The following DPYSL5 variants were observed in gnomAD, a reference collection of about 807,000 sequenced individuals.
DPYSL5 encodes the protein dihydropyrimidinase-related protein 5.
Under a neutral mutation model 58.4 loss-of-function variants are expected in DPYSL5, and 9 were observed. That is an observed-to-expected ratio of 0.15 (90% confidence interval 0.09 to 0.27). The LOEUF (loss-of-function observed/expected upper bound fraction) is 0.27. DPYSL5 is among the 10% of genes least tolerant of loss of function. The pLI is 1.00. For synonymous variants in DPYSL5, 293 were observed against 301.9 expected (o/e 0.97, Z 0.31); for missense variants, 499 against 770.6 (o/e 0.65, Z 4.17).
intron 1 of DPYSL5, among the ~76,000 whole-genome samples, chr2:26,876,825 A>G (rs1663421556): frequency 6.7e-6 from 1 of 149,890 alleles, no homozygotes; most frequent in Admixed American, 6.7e-5. Flanking sequence ...CATGATGTCC[A>G]GATTAATGGT....
At chr2:26,897,732 C>A (rs899832253) in intron 1 of DPYSL5, among the ~76,000 whole-genome samples, 1 of 152,092 alleles carries the variant, frequency 6.6e-6, no homozygotes, top group Non-Finnish European at 1.5e-5. Flanking sequence ...AGTATTAATT[C>A]TTCTTTAAAT....
chr2:26,896,118 C>T (rs746346133), intron 1 of DPYSL5, among the ~76,000 whole-genome samples: 12 of 152,100 alleles, frequency 7.9e-5, no homozygotes, highest in Non-Finnish European at 5.9e-5. Context: ...TTAGGTTCCA[C>T]GTAGGAGTGA....
intron 2 of DPYSL5, among the ~76,000 whole-genome samples, chr2:26,918,704 T>C (rs1429427312): frequency 1.3e-5 from 2 of 152,204 alleles, no homozygotes; most frequent in Non-Finnish European, 2.9e-5. Context: ...GTTCCCTCTA[T>C]AAAGATTCAG....
chr2:26,855,061 G>T (rs895264137), intron 1 of DPYSL5, among the ~76,000 whole-genome samples: 3 of 151,546 alleles, frequency 2.0e-5, no homozygotes, highest in Non-Finnish European at 4.4e-5. Flanking sequence ...CAGGTGATCC[G>T]CCCGCCTCAG....
Position 26,898,905 on chromosome 2 carries a change from T to C in DPYSL5, c.261+145T>C, listed in dbSNP as rs947735699. ...GGTGTGTCAGGGCCACTGTGGCAAC[T>C]ACAATAGGGATTTCCGGCTTAACGT... On this transcript the variant is annotated intron_variant, in intron 2 of 12. Coordinates refer to ENST00000288699, the MANE Select transcript of DPYSL5 (RefSeq NM_020134.4). The surrounding 1 kb of genome is among the most constrained non-coding windows in gnomAD (Gnocchi z 6.1). 5.1e-6 allele frequency: 5 copies of C among 989,090 alleles called. No individual in the cohort carries two copies. In the Admixed American group the frequency reaches 9.1e-5, roughly 18 times the overall value. The allele number at this position is 989,090 out of a possible 1,614,324, so 61.3% of individuals were successfully genotyped here.
At position 26,924,103 on chromosome 2, in the gene DPYSL5, T is replaced by C. The variant is rs930108543; in HGVS notation, c.262-784T>C. On this transcript the variant is annotated intron_variant, in intron 2 of 12. Transcript: ENST00000288699. This position sits in a 1 kb window ranked among gnomAD's most constrained non-coding sequence, Gnocchi z 4.7. ...AAAAGTTGAGTGGGGGAATCTCTAA[T>C]ACAGATTTAGTCATTTTTCCTGGGG... Among the ~76,000 whole-genome samples, 3 of 152,258 alleles carry C rather than the reference T, an allele frequency of 2.0e-5. No homozygotes were observed. Among genetic ancestry groups the C allele is most frequent in the African/African-American group, 7.2e-5 (3 of 41,470 alleles).
chr2:26,886,938 G>A (rs1042941586), intron 1 of DPYSL5, among the ~76,000 whole-genome samples: 8 of 152,150 alleles, frequency 5.3e-5, no homozygotes, highest in Non-Finnish European at 1.0e-4. Flanking sequence ...CACAACTGTC[G>A]TGTATTGCCT....
chr2:26,940,246 A>G, intron 9 of DPYSL5, 74 bp downstream of exon 9: 1 of 1,551,864 alleles, frequency 6.4e-7, no homozygotes, highest in African/African-American at 1.4e-5. Flanking sequence ...TAATCCCAAT[A>G]AGAGTATTCA....
rs1198289165 is a variant in DPYSL5, at chr2:26,931,700, T to C, written c.714+16T>C. The C allele has an allele frequency of 1.9e-6, 3 of 1,613,656 alleles. 1 individual carries two copies. Among genetic ancestry groups the C allele is most frequent in the African/African-American group, 2.7e-5 (2 of 74,988 alleles). On this transcript the variant is annotated intron_variant, in intron 6 of 12. Coordinates refer to ENST00000288699, the MANE Select transcript of DPYSL5 (RefSeq NM_020134.4). ...TGCAAACAGGGTAAGTCCCCCGATG[T>C]CCACTGTGGGATTAGAAACCAACCT... is the stretch of plus-strand genomic sequence containing the variant.
At chr2:26,853,811 G>GA (rs925208015) in intron 1 of DPYSL5, among the ~76,000 whole-genome samples, 25 of 152,124 alleles carry the variant, frequency 1.6e-4, no homozygotes, top group African/African-American at 6.0e-4. Context: ...CATTATCAAG[G>GA]AAAAATCTCC....
intron 1 of DPYSL5, among the ~76,000 whole-genome samples, chr2:26,878,891 A>C (rs1663481973): frequency 1.3e-5 from 2 of 152,188 alleles, no homozygotes. Flanking sequence ...ACTCCTAAGC[A>C]ACCATCCAGA....
At chr2:26,928,704 T>TATATATATATACACACACACACACACAC in intron 5 of DPYSL5, among the ~76,000 whole-genome samples, 28 of 62,940 alleles carry the variant, frequency 4.4e-4, no homozygotes, top group African/African-American at 1.6e-3. Flanking sequence ...TATATATATA[T>TATATATATATACACACACACACACACAC]ACACACACAC....
chr2:26,855,309 G>T (rs1438224455), intron 1 of DPYSL5, among the ~76,000 whole-genome samples: 8 of 151,856 alleles, frequency 5.3e-5, no homozygotes, highest in Non-Finnish European at 2.9e-5. Context: ...GGTGCCTGTA[G>T]TCCCAGCTAC....
At chr2:26,863,276 G>A (rs2148111579) in intron 1 of DPYSL5, among the ~76,000 whole-genome samples, 1 of 152,318 alleles carries the variant, frequency 6.6e-6, no homozygotes, top group Non-Finnish European at 1.5e-5. Context: ...ATGGGCCCCA[G>A]GCCATTGGCA....
intron 9 of DPYSL5, among the ~76,000 whole-genome samples, chr2:26,941,321 C>T (rs954831400): frequency 6.6e-6 from 1 of 152,208 alleles, no homozygotes; most frequent in Non-Finnish European, 1.5e-5. Flanking sequence ...ATTTTTAAGG[C>T]TCTTGATTTG....
chr2:26,875,305 C>G (rs1385489525), intron 1 of DPYSL5, among the ~76,000 whole-genome samples: 1 of 152,118 alleles, frequency 6.6e-6, no homozygotes, highest in African/African-American at 2.4e-5. Context: ...CATTGGGTAA[C>G]CCAAGTGGGC....
chr2:26,899,378 C>A (rs543026527), intron 2 of DPYSL5, among the ~76,000 whole-genome samples: 5 of 152,336 alleles, frequency 3.3e-5, no homozygotes, highest in African/African-American at 1.2e-4. Context: ...GAGGAAACTA[C>A]ATTCTGCAAA....
At position 26,927,750 on chromosome 2, in the gene DPYSL5, A is replaced by G. The variant is rs936321832; in HGVS notation, c.600+318A>G. On this transcript the variant is annotated intron_variant, in intron 4 of 12. Transcript: ENST00000288699. This position sits in a 1 kb window ranked among gnomAD's most constrained non-coding sequence, Gnocchi z 4.3. Reference sequence around the variant, plus strand: ...GCACCTCTCAGACATATTTTTAATGAGATTTGATATACAGAATAAATAAGA... The same window carrying G: ...GCACCTCTCAGACATATTTTTAATGGGATTTGATATACAGAATAAATAAGA... Among the ~76,000 whole-genome samples the G allele has an allele frequency of 6.6e-6, 1 of 152,354 alleles. No homozygotes were observed. The highest frequency in any genetic ancestry group is 1.9e-4 in the East Asian group (1 of 5,192).
At chr2:26,881,751 A>C (rs1178247760) in intron 1 of DPYSL5, among the ~76,000 whole-genome samples, 1 of 152,144 alleles carries the variant, frequency 6.6e-6, no homozygotes, top group Non-Finnish European at 1.5e-5. Flanking sequence ...CTCAGAAATA[A>C]AGGGAATGCC....
Sources: allele counts gnomAD v4.1 joint callset (sites outside exome capture counted in the v4.1 genomes callset), GRCh38; gene constraint gnomAD v4.1.1; non-coding constraint Gnocchi (gnomAD v3.1); transcripts MANE v1.5; gene names NCBI Gene and HGNC (gene_info 2026-07-23, HGNC 2026-07-21).